Variants in EHD4 observed in about 807,000 individuals in gnomAD.
The protein encoded by EHD4 is EH domain containing 4.
In EHD4, 37 loss-of-function variants were observed where a neutral mutation model predicts 51.0. The ratio of observed to expected loss-of-function variants is 0.73; its 90% CI spans 0.56 to 0.95. EHD4 has a LOEUF of 0.95. Ranked by LOEUF, EHD4 falls within the 40% of genes least tolerant of loss-of-function variation. EHD4 has a pLI of 0.00. For synonymous variants in EHD4, 297 were observed against 317.3 expected, an observed-to-expected ratio of 0.94 and a Z score of 0.68; for missense variants, 632 against 733.1, an observed-to-expected ratio of 0.86 and a Z score of 1.59.
intron 4 of EHD4, among the ~76,000 whole-genome samples, chr15:41,918,242 ACG>A (rs1555380420): frequency 1.5e-4 from 19 of 130,562 alleles, no homozygotes; most frequent in South Asian, 1.0e-3. Context: ...ACACACACAC[ACG>A]CGCATGTTTA....
At position 41,943,147 on chromosome 15, in the gene EHD4, A is replaced by G; in HGVS notation, c.431T>C (p.Leu144Pro). The change falls in exon 3 of 6, where the codon CTC (leucine) becomes CCC (proline). Residue 144 changes from leucine to proline, a missense_variant. Leu to Pro is a moderately conservative substitution (Grantham distance 98). Transcript: ENST00000220325. The part of the protein sequence containing the change: ...AFLNRFMCSQ[L>P]PNQVLKSISV... ...GATGCTCTTCAGGACCTGATTGGGGAGCTGTGAGCACATGAATCTGGAAGA... is the reference window on the plus strand; with the variant it reads ...GATGCTCTTCAGGACCTGATTGGGGGGCTGTGAGCACATGAATCTGGAAGA... The G allele has an allele frequency of 6.3e-7, 1 of 1,589,134 alleles. No individual in the cohort carries two copies. Among genetic ancestry groups the G allele is most frequent in the Non-Finnish European group, 8.6e-7 (1 of 1,167,598 alleles).
chr15:41,911,158 G>A (rs1290908074), intron 4 of EHD4, among the ~76,000 whole-genome samples: 1 of 152,148 alleles, frequency 6.6e-6, no homozygotes, highest in Non-Finnish European at 1.5e-5. Flanking sequence ...CCTAATGCAA[G>A]GTCTGACATG....
rs1466526986 is a variant in EHD4, at chr15:41,899,426, C to T, written c.*1219G>A. ...TGCCTCGTGATGGGCATTCATGATA[C>T]GAACCACACAGCCTTTAAAGAAAAG... is the stretch of plus-strand genomic sequence containing the variant. On this transcript the variant is annotated 3_prime_UTR_variant, in exon 6 of 6. Coordinates refer to ENST00000220325, the MANE Select transcript of EHD4 (RefSeq NM_139265.4). The T allele has an allele frequency of 1.3e-5, 2 of 151,628 alleles. No homozygotes were observed. The highest frequency in any genetic ancestry group is 2.4e-5 in the African/African-American group (1 of 41,156). 9.4% of individuals were successfully genotyped at this position (151,628 alleles called of 1,614,324 possible).
chr15:41,901,117 A>G lies in EHD4; in HGVS notation c.1154T>C (p.Val385Ala), dbSNP rs1296744382. 8.1e-6 allele frequency: 13 copies of G among 1,603,212 alleles called. No homozygotes were observed. The highest frequency in any genetic ancestry group is 1.0e-5 in the Non-Finnish European group (12 of 1,175,664). Residue 385 changes from valine to alanine, a missense_variant, in exon 6 of 6, where the codon GTG (valine) becomes GCG (alanine). Val to Ala is a moderately conservative substitution (Grantham distance 64, BLOSUM62 0). Coordinates refer to ENST00000220325, the MANE Select transcript of EHD4 (RefSeq NM_139265.4). ...HSLKPKLIEAVDNMLSNKISP... is the reference protein window; with the variant it reads ...HSLKPKLIEAADNMLSNKISP... ...GATCTTGTTGCTCAGCATGTTGTCC[A>G]CTGCCTCGATCAGCTTGGGCTTCAG... is the stretch of plus-strand genomic sequence containing the variant.
chr15:41,924,035 T>A (rs2067645022), intron 3 of EHD4, among the ~76,000 whole-genome samples: 1 of 152,224 alleles, frequency 6.6e-6, no homozygotes, highest in Non-Finnish European at 1.5e-5. Context: ...ACCTGTAAGA[T>A]CGGGTTGTTG....
chr15:41,919,700 G>A (rs936327293), intron 3 of EHD4, 78 bp from the exon 4 acceptor site: 47 of 1,365,206 alleles, frequency 3.4e-5, no homozygotes, highest in African/African-American at 2.8e-4. Flanking sequence ...GAACAGTCTC[G>A]CTCTCCAGCA....
At chr15:41,931,393 G>T (rs1275449196) in intron 3 of EHD4, among the ~76,000 whole-genome samples, 2 of 152,038 alleles carry the variant, frequency 1.3e-5, no homozygotes, top group Non-Finnish European at 2.9e-5. Flanking sequence ...CATGCCTACA[G>T]TCCCAGCTAC....
At chr15:41,962,997 A>C (rs2067935976) in intron 1 of EHD4, among the ~76,000 whole-genome samples, 1 of 152,206 alleles carries the variant, frequency 6.6e-6, no homozygotes, top group African/African-American at 2.4e-5. Context: ...CTTTACCCCC[A>C]ACCCCGTGCT....
At chr15:41,972,233 A>G (rs1704413) in intron 1 of EHD4, 26 bp downstream of exon 1, 194,527 of 1,510,442 alleles carry the variant, frequency 0.13, 15,155 homozygotes, top group African/African-American at 0.31. Context: ...GCGGGGCGGG[A>G]GCCGGGCGAG....
chr15:41,922,751 C>G (rs1265897516), intron 3 of EHD4, among the ~76,000 whole-genome samples: 1 of 152,098 alleles, frequency 6.6e-6, no homozygotes, highest in Non-Finnish European at 1.5e-5. Context: ...ACAGAGCTGC[C>G]AGATTTAAGT....
At chr15:41,939,588 A>G (rs2067753747) in intron 3 of EHD4, among the ~76,000 whole-genome samples, 1 of 152,018 alleles carries the variant, frequency 6.6e-6, no homozygotes, top group Admixed American at 6.6e-5. Flanking sequence ...TGTTAAGGAA[A>G]TGTTAAGGAA....
At chr15:41,942,895 G>A (rs2067783985) in intron 3 of EHD4, 172 bp downstream of exon 3, 2 of 576,344 alleles carry the variant, frequency 3.5e-6, no homozygotes, top group African/African-American at 1.9e-5. Context: ...AGCCTCTGGA[G>A]GGGGCAGAGT....
chr15:41,931,494 C>T (rs1192843760), intron 3 of EHD4, among the ~76,000 whole-genome samples: 4 of 152,016 alleles, frequency 2.6e-5, no homozygotes, highest in East Asian at 1.9e-4. Context: ...GCCTGGGTGA[C>T]GGAGCTTCGA....
chr15:41,914,676 G>A lies in EHD4; in HGVS notation c.924+4534C>T, dbSNP rs140431917. On this transcript the variant is annotated intron_variant, in intron 4 of 5. Transcript: ENST00000220325. ...ACTGAGTTATTTTTAGAGCCCTGCC[G>A]AGGACTAGGCAATACCAGGATCTTC... is the stretch of plus-strand genomic sequence containing the variant. Among the ~76,000 whole-genome samples the A allele has an allele frequency of 7.2e-3, 1,093 of 152,158 alleles. 18 individuals carry two copies. Among genetic ancestry groups the A allele is most frequent in the African/African-American group, 0.025 (1,030 of 41,490 alleles).
chr15:41,967,805 T>C (rs947188141), intron 1 of EHD4, among the ~76,000 whole-genome samples: 3 of 152,244 alleles, frequency 2.0e-5, no homozygotes, highest in Non-Finnish European at 4.4e-5. Flanking sequence ...CTGCTTCCAG[T>C]GTTCCAATAC....
At chr15:41,915,246 T>C (rs906611267) in intron 4 of EHD4, among the ~76,000 whole-genome samples, 3 of 152,238 alleles carry the variant, frequency 2.0e-5, no homozygotes, top group Non-Finnish European at 4.4e-5. Context: ...TTTTGTCATT[T>C]TGATGACATT....
chr15:41,918,622 A>C (rs1350819274), intron 4 of EHD4, among the ~76,000 whole-genome samples: 2 of 152,208 alleles, frequency 1.3e-5, no homozygotes, highest in Non-Finnish European at 2.9e-5. Context: ...GCGAGCCAGG[A>C]GCCCAGGCAT....
rs558557472 is a variant in EHD4, at chr15:41,918,246, G to A, written c.924+964C>T. ...CACACACACACACACACACACACGC[G>A]CATGTTTACACACATGCATATTCAC... is the stretch of plus-strand genomic sequence containing the variant. On this transcript the variant is annotated intron_variant, in intron 4 of 5. Transcript: ENST00000220325. 6.6e-3 allele frequency among the ~76,000 whole-genome samples: 682 copies of A among 103,070 alleles called. 5 individuals are homozygous for A. The highest frequency in any genetic ancestry group is 0.026 in the African/African-American group (636 of 24,048). The allele number at this position is 103,070 out of a possible 152,430, so 67.6% of individuals were successfully genotyped here.
intron 5 of EHD4, among the ~76,000 whole-genome samples, chr15:41,906,082 A>G (rs186981518): frequency 2.0e-5 from 3 of 152,338 alleles, no homozygotes; most frequent in Admixed American, 2.0e-4. Context: ...GTGAAACCCT[A>G]TCTTCAAGCC....
Sources: allele counts gnomAD v4.1 joint callset (sites outside exome capture counted in the v4.1 genomes callset), GRCh38; gene constraint gnomAD v4.1.1; transcripts MANE v1.5; gene names NCBI Gene and HGNC (gene_info 2026-07-23, HGNC 2026-07-21).